Variants in CRACD observed in about 807,000 individuals in gnomAD.
CRACD encodes capping protein inhibiting regulator of actin dynamics.
In CRACD, 56 loss-of-function variants were observed where a neutral mutation model predicts 106.8. The ratio of observed to expected loss-of-function variants is 0.52; its 90% confidence interval spans 0.42 to 0.66. The LOEUF is 0.66. CRACD is among the 30% of genes least tolerant of loss of function. CRACD has a pLI of 0.00. For synonymous variants in CRACD, 754 were observed against 670.8 expected, an observed-to-expected ratio of 1.12 and a Z score of -1.92; for missense variants, 1,730 against 1,623.2, an observed-to-expected ratio of 1.07 and a Z score of -1.13.
At chr4:56,129,881 G>A (rs1423169736) in intron 1 of CRACD, among the ~76,000 whole-genome samples, 1 of 152,196 alleles carries the variant, frequency 6.6e-6, no homozygotes, top group African/African-American at 2.4e-5. Context: ...TGTACCATGA[G>A]GGATGACTGT....
chr4:56,057,630 T>TTG (rs986568565), intron 1 of CRACD, among the ~76,000 whole-genome samples: 1 of 149,258 alleles, frequency 6.7e-6, no homozygotes, highest in Non-Finnish European at 1.5e-5. Context: ...GTTGGGTTTT[T>TTG]TTTTTTTTTT....
chr4:56,221,479 T>C (rs1055804107), intron 2 of CRACD, among the ~76,000 whole-genome samples: 11 of 152,014 alleles, frequency 7.2e-5, no homozygotes, highest in Non-Finnish European at 1.5e-4. Context: ...CAAAAGCAAA[T>C]GCAGCAAAAA....
rs1047546457 is a variant in CRACD at position 56,315,732 on chromosome 4, A to G, written c.2230A>G (p.Ser744Gly). 1.2e-6 allele frequency: 2 copies of G among 1,614,238 alleles called. No homozygotes were observed. Among genetic ancestry groups the G allele is most frequent in the African/African-American group, 2.7e-5 (2 of 75,066 alleles). ...ETSKQSTEAE[S>G]IRKRPMLGPS... ...CTCCAAACAGAGCACGGAAGCTGAA[A>G]GCATACGAAAAAGACCCATGCTGGG... The change falls in exon 8 of 11, where the codon AGC becomes GGC. Residue 744 changes from serine to glycine, a missense_variant. This residue lies in a region of CRACD where 1,620 missense variants were observed against 1,481.6 expected (regional missense o/e 1.09). Transcript: ENST00000682029. The surrounding 1 kb of genome is among the most constrained non-coding windows in gnomAD (Gnocchi z 4.1).
chr4:56,128,758 T>C (rs1286663489), intron 1 of CRACD, among the ~76,000 whole-genome samples: 1 of 152,140 alleles, frequency 6.6e-6, no homozygotes, highest in Non-Finnish European at 1.5e-5. Flanking sequence ...AAAAGGAATT[T>C]TCTGAACCTC....
chr4:56,234,979 A>AT (rs1197121840), intron 2 of CRACD, among the ~76,000 whole-genome samples: 7 of 152,152 alleles, frequency 4.6e-5, no homozygotes, highest in Non-Finnish European at 7.4e-5. Context: ...TCCACCTCCA[A>AT]TCTAATTCAT....
At chr4:56,235,442 AT>A (rs1357646224) in intron 2 of CRACD, among the ~76,000 whole-genome samples, 4 of 152,232 alleles carry the variant, frequency 2.6e-5, no homozygotes, top group Admixed American at 2.6e-4. Flanking sequence ...CTACAGAGTC[AT>A]TAAATACCAG....
rs35832943 is a variant in CRACD at position 56,161,767 on chromosome 4, A to ATTTTTT, written c.-335-17508_-335-17503dup. 8.0e-3 allele frequency among the ~76,000 whole-genome samples: 1,134 copies of ATTTTTT among 141,340 alleles called. 30 individuals carry two copies. The highest frequency in any genetic ancestry group is 0.027 in the African/African-American group (1,040 of 38,422). 92.7% of individuals were successfully genotyped at this position (141,340 alleles called of 152,430 possible). A position where few individuals can be genotyped will look rare whatever the true frequency, so the allele number is the denominator to read the frequency against. Reference sequence around the variant, plus strand: ...GAGCCACTGCACCTAGCCAAAGAGCATTTTTTTTTTTTTTGAGATGGAGTC... The same window carrying ATTTTTT: ...GAGCCACTGCACCTAGCCAAAGAGCATTTTTTTTTTTTTTTTTTTTGAGATGGAGTC... On this transcript the variant is annotated intron_variant, in intron 1 of 10. Transcript: ENST00000682029.
intron 1 of CRACD, among the ~76,000 whole-genome samples, chr4:56,098,543 T>G (rs1417171634): frequency 6.6e-6 from 1 of 152,208 alleles, no homozygotes; most frequent in Non-Finnish European, 1.5e-5. Context: ...ATTTTAGTTG[T>G]CACAGATTTA....
chr4:56,302,759 G>T (rs1744439702), intron 4 of CRACD, among the ~76,000 whole-genome samples: 1 of 152,136 alleles, frequency 6.6e-6, no homozygotes, highest in Admixed American at 6.5e-5. Context: ...GACATAGTCT[G>T]AAGGATAGGA....
rs2109770504 is a variant in CRACD, at chr4:56,314,654, G to A, written c.1152G>A (p.Glu384=). The part of the protein sequence containing the change: ...QQEAEVQGPP[E]ALEETGEGRR... ...AGGCGGAGGTGCAGGGGCCGCCCGAGGCGTTGGAGGAGACTGGGGAGGGCC... is the reference window on the plus strand; with the variant it reads ...AGGCGGAGGTGCAGGGGCCGCCCGAAGCGTTGGAGGAGACTGGGGAGGGCC... Residue 384 remains glutamate, a synonymous_variant, in exon 8 of 11, where the codon GAG becomes GAA. Coordinates refer to ENST00000682029, the MANE Select transcript of CRACD (RefSeq NM_001393381.1). This position sits in a 1 kb window ranked among gnomAD's most constrained non-coding sequence, Gnocchi z 4.4. 6 of 1,546,736 alleles carry A rather than the reference G, an allele frequency of 3.9e-6. No individual in the cohort carries two copies. The East Asian group carries it at 1.5e-4, about 38-fold the overall frequency.
chr4:56,221,240 C>T (rs1381118988), intron 2 of CRACD, among the ~76,000 whole-genome samples: 1 of 152,042 alleles, frequency 6.6e-6, no homozygotes, highest in African/African-American at 2.4e-5. Context: ...TACAAAATTG[C>T]AGTCAGGAAA....
intron 3 of CRACD, among the ~76,000 whole-genome samples, chr4:56,294,913 C>CAAAAAAAAAAA (rs56200534): frequency 4.2e-5 from 3 of 72,164 alleles, no homozygotes; most frequent in Admixed American, 1.9e-4. Context: ...GACCTTGTCT[C>CAAAAAAAAAAA]AAAAAAAAAA....
intron 1 of CRACD, among the ~76,000 whole-genome samples, chr4:56,098,396 G>A (rs1733663864): frequency 6.6e-6 from 1 of 152,078 alleles, no homozygotes; most frequent in East Asian, 1.9e-4. Flanking sequence ...TAAGTCTAAT[G>A]TTAACTATAT....
chr4:56,049,375 CT>C (rs1316489959), intron 1 of CRACD, 76 bp downstream of exon 1: 1 of 151,970 alleles, frequency 6.6e-6, no homozygotes, highest in African/African-American at 2.4e-5. Flanking sequence ...ACTCGCGCCC[CT>C]CCGGGCCGGG....
In CRACD at chr4:56,315,815, G is replaced by A. The variant is rs551614295; in HGVS notation, c.2313G>A (p.Lys771=). The A allele has an allele frequency of 3.7e-6, 6 of 1,614,208 alleles. No homozygotes were observed. In the African/African-American group the frequency reaches 6.7e-5, roughly 18 times the overall value. The change falls in exon 8 of 11, where the codon AAG becomes AAA. Residue 771 remains lysine (K), a synonymous_variant. Transcript: ENST00000682029. This position sits in a 1 kb window ranked among gnomAD's most constrained non-coding sequence, Gnocchi z 4.1. ...CTGCTGGTGTTCGCGAGCTCGGGAA[G>A]GGTCCGGAGAAGTCGGAGATGCACC... is the stretch of plus-strand genomic sequence containing the variant. ...PPPAGVRELG[K]GPEKSEMHRE...
At chr4:56,253,893 G>A (rs1741190261) in intron 2 of CRACD, among the ~76,000 whole-genome samples, 2 of 152,158 alleles carry the variant, frequency 1.3e-5, no homozygotes, top group African/African-American at 4.8e-5. Context: ...ACAGAGGACA[G>A]CTCTGGGTTT....
chr4:56,307,461 T>C (rs1378653500), intron 4 of CRACD, 74 bp from the exon 5 acceptor site: 16 of 1,497,856 alleles, frequency 1.1e-5, no homozygotes, highest in Admixed American at 1.8e-5. Context: ...TCACTAGACA[T>C]GCTGGAGAAC....
chr4:56,235,272 T>C (rs1739898296), intron 2 of CRACD, among the ~76,000 whole-genome samples: 3 of 152,184 alleles, frequency 2.0e-5, no homozygotes, highest in Admixed American at 2.0e-4. Flanking sequence ...AGATAAGACA[T>C]CTAAAGACAT....
chr4:56,065,087 AT>A (rs1226010657), intron 1 of CRACD, among the ~76,000 whole-genome samples: 1 of 150,662 alleles, frequency 6.6e-6, no homozygotes, highest in Non-Finnish European at 1.5e-5. Flanking sequence ...TCTTTTTTAA[AT>A]TTTTTTATTT....
Sources: gnomAD v4.1 joint callset for allele counts (sites outside exome capture counted in the v4.1 genomes callset) on GRCh38, gnomAD v4.1.1 for gene constraint, gnomAD v4.1.1 regional missense constraint, Gnocchi (gnomAD v3.1) non-coding constraint, MANE v1.5 for transcripts, NCBI Gene and HGNC (gene_info 2026-07-23, HGNC 2026-07-21) for gene names.